The following PSCA variants were observed in gnomAD, a reference collection of about 807,000 sequenced individuals.
PSCA encodes prostate stem cell antigen.
PSCA carries 7 observed loss-of-function variants against 7.9 expected under a neutral mutation model. That is an observed-to-expected ratio of 0.89 (90% CI 0.51 to 1.67). The LOEUF (loss-of-function observed/expected upper bound fraction) is 1.67, where lower values mean the gene tolerates loss of function less well. Ranked by LOEUF, PSCA falls within the 40% of genes most tolerant of loss-of-function variation. PSCA has a pLI of 0.00. For synonymous variants in PSCA, 61 were observed against 68.3 expected, an observed-to-expected ratio of 0.89 and a Z score of 0.53; for missense variants, 151 against 147.9, an observed-to-expected ratio of 1.02 and a Z score of -0.11.
At chr8:142,670,530 A>G (rs1343073541) in exon 1 of PSCA, 2 of 152,200 alleles carry the variant, frequency 1.3e-5, no homozygotes, top group African/African-American at 4.8e-5. Flanking sequence ...GATGATTCAG[A>G]CGATGGGATT....
At chr8:142,680,888 G>C in intron 1 of PSCA, 1 of 537,060 alleles carries the variant, frequency 1.9e-6, no homozygotes, top group Non-Finnish European at 3.4e-6. Flanking sequence ...TGAGGAGCTG[G>C]GAGACATGGG....
At chr8:142,677,487 A>C (rs1554637917), upstream of PSCA, among the ~76,000 whole-genome samples, 1 of 152,254 alleles carries the variant, frequency 6.6e-6, no homozygotes, top group African/African-American at 2.4e-5. Context: ...GTATCAAATC[A>C]GATCAACAAA....
intron 1 of PSCA, among the ~76,000 whole-genome samples, chr8:142,672,171 A>C (rs1484314497): frequency 6.6e-6 from 1 of 152,008 alleles, no homozygotes; most frequent in African/African-American, 2.4e-5. Context: ...TCACCTTGCT[A>C]TTCACTCAGG....
At position 142,673,059 on chromosome 8, in the gene PSCA, G is replaced by C. The variant is rs1847353938; in HGVS notation, n.261+2491G>C. ...GTAGCTTTTTCCCATTGGCACAACT[G>C]CTGGCATTCACGCGTGCAAGCTTCC... On this transcript the variant is annotated intron_variant and non_coding_transcript_variant, in intron 1 of 1. Transcript: ENST00000505305. This position sits in a 1 kb window ranked among gnomAD's most constrained non-coding sequence, Gnocchi z 4.6. Among the ~76,000 whole-genome samples the C allele has an allele frequency of 6.6e-6, 1 of 152,160 alleles. No homozygotes were observed.
At chr8:142,680,910 C>T (rs1847455146) in intron 1 of PSCA, 1 of 507,166 alleles carries the variant, frequency 2.0e-6, no homozygotes, top group Non-Finnish European at 3.6e-6. Flanking sequence ...CAGGAAGCCT[C>T]AGGCTAAGAA....
intron 1 of PSCA, among the ~76,000 whole-genome samples, chr8:142,670,944 A>G (rs140914480): frequency 1.4e-4 from 21 of 152,346 alleles, no homozygotes; most frequent in African/African-American, 4.6e-4. Context: ...TCGTATTTGC[A>G]TATAACCTAC....
At position 142,682,390 on chromosome 8, in the gene PSCA, T is replaced by C. The variant is rs893319675; in HGVS notation, c.*258T>C. On this transcript the variant is annotated 3_prime_UTR_variant, in exon 3 of 3. Transcript: ENST00000301258. ...CCCTCCAACCCTCTCTGCTGCTGTTTCCATGGCCCAGCATTCTCCACCCTT... is the reference window on the plus strand; with the variant it reads ...CCCTCCAACCCTCTCTGCTGCTGTTCCCATGGCCCAGCATTCTCCACCCTT... 2 of 694,780 alleles carry C rather than the reference T, an allele frequency of 2.9e-6. No homozygotes were observed. The highest frequency in any genetic ancestry group is 5.4e-5 in the East Asian group (2 of 36,810). 43.0% of individuals were successfully genotyped at this position (694,780 alleles called of 1,614,324 possible).
chr8:142,680,481 A>G, upstream of PSCA: 1 of 1,547,562 alleles, frequency 6.5e-7, no homozygotes, highest in Non-Finnish European at 8.7e-7. Context: ...AAGTCACCTG[A>G]GGCCCTCTCC....
intron 2 of PSCA, 97 bp downstream of exon 2, chr8:142,681,531 C>T (rs926292460): frequency 8.8e-7 from 1 of 1,138,538 alleles, no homozygotes; most frequent in African/African-American, 1.5e-5. Context: ...GTTTTCCTTC[C>T]ACCTGTCCCC....
Position 142,681,324 on chromosome 8 carries a change from C to G in PSCA, c.26-3C>G. On this transcript the variant is annotated splice_polypyrimidine_tract_variant and splice_region_variant and intron_variant, in intron 1 of 2. Coordinates refer to ENST00000301258, the MANE Select transcript of PSCA (RefSeq NM_005672.5). ...CTGAGGCCCCTCCCACTCCACCCCA[C>G]AGGCACTGCCCTGCTGTGCTACTCC... 1.9e-6 allele frequency: 3 copies of G among 1,553,746 alleles called. No individual in the cohort carries two copies. Among genetic ancestry groups the G allele is most frequent in the Non-Finnish European group, 2.6e-6 (3 of 1,147,874 alleles).
upstream of PSCA, chr8:142,680,479 T>C (rs1554638174): frequency 6.5e-7 from 1 of 1,547,240 alleles, no homozygotes; most frequent in Non-Finnish European, 8.7e-7. Flanking sequence ...TAAAGTCACC[T>C]GAGGCCCTCT....
intron 1 of PSCA, among the ~76,000 whole-genome samples, chr8:142,672,219 C>G (rs1847341225): frequency 6.6e-6 from 1 of 152,104 alleles, no homozygotes; most frequent in African/African-American, 2.4e-5. Flanking sequence ...TATCCAGATC[C>G]TCTACCCTCA....
At chr8:142,675,672 C>T (rs1208152539), upstream of PSCA, among the ~76,000 whole-genome samples, 2 of 152,222 alleles carry the variant, frequency 1.3e-5, no homozygotes, top group African/African-American at 2.4e-5. Flanking sequence ...CACTCTCACA[C>T]ACACTATGTG....
upstream of PSCA, among the ~76,000 whole-genome samples, chr8:142,678,957 C>T (rs1847430009): frequency 2.0e-5 from 3 of 151,328 alleles, no homozygotes; most frequent in Non-Finnish European, 4.4e-5. Flanking sequence ...CACCACCCAC[C>T]GCCCAGCTGA....
At chr8:142,681,821 C>A in intron 2 of PSCA, 100 bp from the exon 3 acceptor site, 1 of 858,356 alleles carries the variant, frequency 1.2e-6, no homozygotes. Flanking sequence ...CCCAGGGGGA[C>A]TCTAGAGCAT....
intron 1 of PSCA, among the ~76,000 whole-genome samples, chr8:142,671,509 G>A (rs1303440155): frequency 6.6e-6 from 1 of 152,176 alleles, no homozygotes; most frequent in Non-Finnish European, 1.5e-5. Flanking sequence ...ATGGTAATTT[G>A]TTAGGACAGC....
In PSCA at chr8:142,682,274, C is replaced by T. The variant is rs1554638504; in HGVS notation, c.*142C>T. On this transcript the variant is annotated 3_prime_UTR_variant, in exon 3 of 3. Coordinates refer to ENST00000301258, the MANE Select transcript of PSCA (RefSeq NM_005672.5). The stretch of plus-strand genomic sequence containing the variant: ...CAAGTCTGACCATGTATGTCTGCGC[C>T]CCTGTCCCCCACCCTGACCCTCCCA... 9.9e-7 allele frequency: 1 copy of T among 1,014,844 alleles called. No homozygotes were observed. The highest frequency in any genetic ancestry group is 2.6e-5 in the East Asian group (1 of 38,630). 62.9% of individuals were successfully genotyped at this position (1,014,844 alleles called of 1,614,324 possible).
At chr8:142,672,047 G>A (rs1200236218) in intron 1 of PSCA, among the ~76,000 whole-genome samples, 1 of 152,024 alleles carries the variant, frequency 6.6e-6, no homozygotes, top group Non-Finnish European at 1.5e-5. Context: ...CTCCTGCCAG[G>A]GCCCCTCCCC....
At chr8:142,671,437 A>G (rs1292847086) in intron 1 of PSCA, among the ~76,000 whole-genome samples, 2 of 152,210 alleles carry the variant, frequency 1.3e-5, no homozygotes, top group African/African-American at 2.4e-5. Context: ...TCATTGTGCC[A>G]TTAGACTTCT....
Sources: allele counts gnomAD v4.1 joint callset (sites outside exome capture counted in the v4.1 genomes callset), GRCh38; gene constraint gnomAD v4.1.1; non-coding constraint Gnocchi (gnomAD v3.1); transcripts MANE v1.5; gene names NCBI Gene and HGNC (gene_info 2026-07-23, HGNC 2026-07-21).